The following SCN11A variants were observed in gnomAD, a reference collection of about 807,000 sequenced individuals.
SCN11A encodes sodium voltage-gated channel alpha subunit 11, also known as sodium channel protein type 11 subunit alpha.
A neutral mutation model predicts 162.2 loss-of-function variants in SCN11A; 122 were observed. The ratio of observed to expected loss-of-function variants is 0.75; its 90% confidence interval spans 0.65 to 0.87. The LOEUF (loss-of-function observed/expected upper bound fraction) is 0.87, where lower values mean the gene tolerates loss of function less well. Among genes scored for constraint, SCN11A ranks in the 40% least tolerant of loss-of-function variants. The pLI, the probability that SCN11A is intolerant of heterozygous loss-of-function variation, is 0.00. For missense variants in SCN11A, 2,015 were observed against 2,181.6 expected (o/e 0.92, Z 1.52); for synonymous variants, 758 against 751.5 (o/e 1.01, Z -0.14).
chr3:38,946,831 A>T lies in SCN11A; in HGVS notation c.344T>A (p.Phe115Tyr), dbSNP rs746333702. The T allele has an allele frequency of 6.2e-7, 1 of 1,614,006 alleles. No homozygotes were observed. The highest frequency in any genetic ancestry group is 1.7e-5 in the Admixed American group (1 of 60,014). The change falls in exon 6 of 30, where the codon TTC becomes TAC. Residue 115 changes from phenylalanine (F) to tyrosine (Y), a missense_variant. Coordinates refer to ENST00000302328, the MANE Select transcript of SCN11A (RefSeq NM_001349253.2). ...AATGGCTAAACTTCTGATTGAATTG[A>T]AAGGCCCAAAAATGAACAAGGCATG... ...AKHALFIFGP[F>Y]NSIRSLAIRV...
In SCN11A at chr3:38,870,727, C is replaced by A; in HGVS notation, c.3777G>T (p.Trp1259Cys). The change falls in exon 26 of 30, where the codon TGG becomes TGT. Residue 1259 changes from tryptophan to cysteine, a missense_variant. Coordinates refer to ENST00000302328, the MANE Select transcript of SCN11A (RefSeq NM_001349253.2). Reference protein sequence around the residue: ...ALLQVATFKGWMDIIYAAVDS... With the variant: ...ALLQVATFKGCMDIIYAAVDS... ...CAACAGCTGCATATATAATATCCAT[C>A]CAGCCCTTAAATGTTGCCTGCAACA... 9 of 1,613,564 alleles carry A rather than the reference C, an allele frequency of 5.6e-6. No individual in the cohort carries two copies. Among genetic ancestry groups the A allele is most frequent in the Non-Finnish European group, 7.6e-6 (9 of 1,179,600 alleles).
intron 2 of SCN11A, among the ~76,000 whole-genome samples, chr3:38,972,499 A>C (rs2125587494): frequency 6.6e-6 from 1 of 152,316 alleles, no homozygotes; most frequent in South Asian, 2.1e-4. Context: ...CCTGAAAGAA[A>C]GCTAGATGGC....
At chr3:39,027,421 G>A (rs894286627) in intron 2 of SCN11A, among the ~76,000 whole-genome samples, 2 of 152,080 alleles carry the variant, frequency 1.3e-5, no homozygotes, top group African/African-American at 4.8e-5. Flanking sequence ...ATCCCTGCTT[G>A]TTGCCCAGGG....
At chr3:38,913,025 A>G (rs886078867) in intron 11 of SCN11A, among the ~76,000 whole-genome samples, 2 of 151,992 alleles carry the variant, frequency 1.3e-5, no homozygotes, top group African/African-American at 4.8e-5. Context: ...GAATCCAGCA[A>G]CAGTAGTTCT....
chr3:38,925,501 GAC>G lies in SCN11A; in HGVS notation c.624_625del (p.Ser209IlefsTer80). ...TTTGATGGTGATTCCTGGAATATAT[GAC>G]ACAATCCTACAAGACAAAGCACAGG... On this transcript the variant is annotated frameshift_variant, in exon 9 of 30. Coordinates refer to ENST00000302328, the MANE Select transcript of SCN11A (RefSeq NM_001349253.2). LOFTEE classifies it high-confidence loss of function. 6.2e-7 allele frequency: 1 copy of G among 1,610,350 alleles called. No individual in the cohort carries two copies. The highest frequency in any genetic ancestry group is 1.1e-5 in the South Asian group (1 of 90,998).
intron 2 of SCN11A, among the ~76,000 whole-genome samples, chr3:39,002,976 C>A (rs1434339850): frequency 6.6e-6 from 1 of 152,160 alleles, no homozygotes; most frequent in Non-Finnish European, 1.5e-5. Context: ...AGTGCTTTGC[C>A]TACCCAACTA....
chr3:38,924,302 C>T (rs750133667), intron 9 of SCN11A, among the ~76,000 whole-genome samples: 27 of 151,926 alleles, frequency 1.8e-4, no homozygotes, highest in Non-Finnish European at 3.7e-4. Context: ...GCCTCTGCCT[C>T]CCAGGTTCAA....
rs78250099 is a variant in SCN11A, at chr3:38,852,461, T to C, written c.4057-1710A>G. On this transcript the variant is annotated intron_variant, in intron 28 of 29. Transcript: ENST00000302328. ...AGACAAATAGAGGAGATTAAGAGCATAAATTACCTAAAGTGTTGGATTACC... is the reference window on the plus strand; with the variant it reads ...AGACAAATAGAGGAGATTAAGAGCACAAATTACCTAAAGTGTTGGATTACC... Among the ~76,000 whole-genome samples the C allele has an allele frequency of 1.7e-3, 258 of 152,236 alleles. 1 individual carries two copies. The highest frequency in any genetic ancestry group is 3.4e-3 in the Middle Eastern group (1 of 294).
intron 3 of SCN11A, among the ~76,000 whole-genome samples, chr3:38,958,152 C>T (rs1202594056): frequency 6.6e-6 from 1 of 152,238 alleles, no homozygotes; most frequent in Non-Finnish European, 1.5e-5. Context: ...CCCCACTCTG[C>T]TCAGTGATGC....
chr3:38,941,083 C>A (rs1475118442), intron 7 of SCN11A, among the ~76,000 whole-genome samples: 6 of 152,114 alleles, frequency 3.9e-5, no homozygotes, highest in Non-Finnish European at 8.8e-5. Flanking sequence ...GAGTGTTTTC[C>A]AACTTCCCCA....
chr3:38,891,805 A>G (rs2065504536), intron 19 of SCN11A, among the ~76,000 whole-genome samples: 1 of 152,216 alleles, frequency 6.6e-6, no homozygotes, highest in African/African-American at 2.4e-5. Context: ...ATGAGACCAG[A>G]GTCCTCATAA....
At chr3:39,000,899 T>C (rs906364215) in intron 2 of SCN11A, among the ~76,000 whole-genome samples, 1 of 152,034 alleles carries the variant, frequency 6.6e-6, no homozygotes, top group African/African-American at 2.4e-5. Flanking sequence ...TAGCTGGGCA[T>C]GGTGGTGTGC....
At position 38,847,637 on chromosome 3, in the gene SCN11A, C is replaced by G. The variant is rs758597298; in HGVS notation, c.4433G>C (p.Arg1478Pro). 6.2e-7 allele frequency: 1 copy of G among 1,613,916 alleles called. No homozygotes were observed. The highest frequency in any genetic ancestry group is 1.3e-5 in the African/African-American group (1 of 74,910). The stretch of plus-strand genomic sequence containing the variant: ...GAGAGTCCTGATTCCTCGTGCAGCC[C>G]GGACAAGCCTCAGGATTCGGCCAAT... Reference protein sequence around the residue: ...ARIGRILRLVRAARGIRTLLF... With the variant: ...ARIGRILRLVPAARGIRTLLF... The change falls in exon 30 of 30, where the codon CGG (arginine) becomes CCG (proline). Residue 1478 changes from arginine (R) to proline (P), a missense_variant. Transcript: ENST00000302328.
chr3:38,989,842 C>G (rs2030394569), intron 2 of SCN11A, among the ~76,000 whole-genome samples: 1 of 151,936 alleles, frequency 6.6e-6, no homozygotes, highest in Non-Finnish European at 1.5e-5. Context: ...CCCCTACAAT[C>G]CGTTCCCCCG....
rs1390064103 is a variant in SCN11A at position 38,909,059 on chromosome 3, C to T, written c.1237G>A (p.Glu413Lys). The T allele has an allele frequency of 1.2e-6, 2 of 1,614,098 alleles. No individual in the cohort carries two copies. The highest frequency in any genetic ancestry group is 3.3e-5 in the Admixed American group (2 of 60,014). Residue 413 changes from glutamate to lysine, a missense_variant, in exon 13 of 30, where the codon GAG (glutamate) becomes AAG (lysine). Transcript: ENST00000302328. ...YEEQNKNVAA[E>K]IEAKEKMFQE... Reference sequence around the variant, plus strand: ...AACATCTTTTCCTTGGCCTCTATCTCTGCAGCTACATTCTTGTTCTGCTCC... The same window carrying T: ...AACATCTTTTCCTTGGCCTCTATCTTTGCAGCTACATTCTTGTTCTGCTCC...
At chr3:39,034,183 A>G (rs2031841189) in intron 1 of SCN11A, among the ~76,000 whole-genome samples, 1 of 152,034 alleles carries the variant, frequency 6.6e-6, no homozygotes, top group Non-Finnish European at 1.5e-5. Context: ...AAAACAAACA[A>G]AAAAACTATA....
intron 27 of SCN11A, 108 bp from the exon 28 acceptor site, chr3:38,863,407 C>T: frequency 4.8e-6 from 3 of 622,968 alleles, no homozygotes; most frequent in Non-Finnish European, 8.5e-6. Context: ...ATTAACAATT[C>T]TTAAAATTTC....
At chr3:38,976,226 CAG>C (rs1181929814) in intron 2 of SCN11A, among the ~76,000 whole-genome samples, 1 of 151,976 alleles carries the variant, frequency 6.6e-6, no homozygotes, top group Non-Finnish European at 1.5e-5. Context: ...TATAAGAAGG[CAG>C]AAATATTGAA....
chr3:39,026,317 A>C (rs1293720477), intron 2 of SCN11A, among the ~76,000 whole-genome samples: 1 of 152,344 alleles, frequency 6.6e-6, no homozygotes, highest in East Asian at 1.9e-4. Flanking sequence ...TCTATACTTA[A>C]GATGTGTTCA....
Sources: allele counts gnomAD v4.1 joint callset (sites outside exome capture counted in the v4.1 genomes callset), GRCh38; gene constraint gnomAD v4.1.1; transcripts MANE v1.5; gene names NCBI Gene and HGNC (gene_info 2026-07-23, HGNC 2026-07-21).